The following ZNF420 variants were observed in gnomAD, a reference collection of about 807,000 sequenced individuals.
The protein encoded by ZNF420 is zinc finger protein 420.
In ZNF420, 31 loss-of-function variants were observed where a neutral mutation model predicts 44.7. The observed-to-expected ratio is 0.69, with a 90% confidence interval of 0.52 to 0.94. ZNF420 has a LOEUF of 0.94. ZNF420 is among the 40% of genes least tolerant of loss of function. The pLI, the probability that ZNF420 is intolerant of heterozygous loss-of-function variation, is 0.00. For synonymous variants in ZNF420, 245 were observed against 267.4 expected, an observed-to-expected ratio of 0.92 and a Z score of 0.82; for missense variants, 681 against 827.9, an observed-to-expected ratio of 0.82 and a Z score of 2.18.
At chr19:37,067,623 T>C (rs892507045) in intron 1 of ZNF420, among the ~76,000 whole-genome samples, 3 of 152,166 alleles carry the variant, frequency 2.0e-5, no homozygotes, top group African/African-American at 4.8e-5. Flanking sequence ...TCAGCAAAAA[T>C]ATCTTTCAAG....
chr19:37,059,986 G>A (rs550389445), intron 1 of ZNF420, among the ~76,000 whole-genome samples: 1 of 152,138 alleles, frequency 6.6e-6, no homozygotes, highest in South Asian at 2.1e-4. Flanking sequence ...GGGATTTCTT[G>A]TATGTCCGCC....
intron 4 of ZNF420, among the ~76,000 whole-genome samples, chr19:37,106,099 T>C (rs1970066851): frequency 1.3e-5 from 2 of 152,226 alleles, no homozygotes; most frequent in Admixed American, 6.5e-5. Flanking sequence ...AGGGCATCCC[T>C]GTCTTGTAAT....
intron 1 of ZNF420, among the ~76,000 whole-genome samples, chr19:37,026,562 G>C (rs934406725): frequency 1.7e-4 from 26 of 151,902 alleles, no homozygotes; most frequent in African/African-American, 6.3e-4. Context: ...CAGGTGATCT[G>C]CCCACCTCGG....
chr19:37,069,247 G>A (rs951571981), intron 1 of ZNF420, among the ~76,000 whole-genome samples: 4 of 152,088 alleles, frequency 2.6e-5, no homozygotes, highest in South Asian at 2.1e-4. Context: ...TTTATATACC[G>A]TACTTTCACT....
intron 4 of ZNF420, among the ~76,000 whole-genome samples, chr19:37,099,768 C>T (rs1024548914): frequency 6.6e-6 from 1 of 152,142 alleles, no homozygotes; most frequent in Admixed American, 6.5e-5. Flanking sequence ...GGACTACAGG[C>T]ACATGCCACC....
intron 1 of ZNF420, among the ~76,000 whole-genome samples, chr19:37,052,311 A>G (rs919309595): frequency 1.3e-4 from 20 of 151,750 alleles, no homozygotes; most frequent in Non-Finnish European, 2.5e-4. Context: ...TTGACTCTTT[A>G]TCCAATTTGC....
chr19:37,127,207 G>T lies in ZNF420; in HGVS notation c.216G>T (p.Met72Ile). The stretch of plus-strand genomic sequence containing the variant: ...AAACAGAATTATCCCAATGGGAAAT[G>T]AGTGACAGACTTGAAAACTGTGATC... ...TYETELSQWE[M>I]SDRLENCDLE... is the part of the protein sequence containing the mutation. The change falls in exon 5 of 5, where the codon ATG (methionine) becomes ATT (isoleucine). Residue 72 changes from methionine (M) to isoleucine (I), a missense_variant. This residue lies in a region of ZNF420 where 350 missense variants were observed against 382.5 expected (regional missense o/e 0.92). Coordinates refer to ENST00000337995, the MANE Select transcript of ZNF420 (RefSeq NM_144689.5). 1 of 1,603,568 alleles carries T rather than the reference G, an allele frequency of 6.2e-7. No homozygotes were observed.
At chr19:37,034,701 G>A (rs1400445838) in intron 1 of ZNF420, among the ~76,000 whole-genome samples, 1 of 152,218 alleles carries the variant, frequency 6.6e-6, no homozygotes, top group Admixed American at 6.5e-5. Flanking sequence ...GAGAACTAAA[G>A]TAATTATGAA....
intron 4 of ZNF420, among the ~76,000 whole-genome samples, chr19:37,099,983 G>C (rs1377589398): frequency 6.6e-6 from 1 of 152,076 alleles, no homozygotes; most frequent in Non-Finnish European, 1.5e-5. Context: ...CTTTGATGTA[G>C]TATGTTTATC....
chr19:37,066,106 T>A (rs1411015694), intron 1 of ZNF420, among the ~76,000 whole-genome samples: 1 of 152,228 alleles, frequency 6.6e-6, no homozygotes, highest in African/African-American at 2.4e-5. Flanking sequence ...CAAAAATGTT[T>A]TTCTTACTCA....
At chr19:37,057,051 G>A (rs1369170485) in intron 1 of ZNF420, among the ~76,000 whole-genome samples, 1 of 152,264 alleles carries the variant, frequency 6.6e-6, no homozygotes, top group Non-Finnish European at 1.5e-5. Flanking sequence ...TCCCACGGTT[G>A]CCTGAGTAAC....
At chr19:37,038,679 G>A (rs148732093) in intron 1 of ZNF420, among the ~76,000 whole-genome samples, 2,234 of 152,122 alleles carry the variant, frequency 0.015, 24 homozygotes, top group African/African-American at 0.028. Context: ...TTGGCAGGGC[G>A]CGGTGGCTCA....
At chr19:37,116,645 C>T (rs1429326916) in intron 4 of ZNF420, among the ~76,000 whole-genome samples, 1 of 152,138 alleles carries the variant, frequency 6.6e-6, no homozygotes, top group African/African-American at 2.4e-5. Context: ...CGAGCCGAAG[C>T]AGGGCGAGGC....
Position 37,029,744 on chromosome 19 carries a change from G to A in ZNF420, c.-125+21662G>A, listed in dbSNP as rs368734282. On this transcript the variant is annotated intron_variant, in intron 1 of 4. Coordinates refer to the ZNF420 transcript ENST00000587029. ...CATCATGTTGGCCAGGCCTGATGTC[G>A]TGATCCACCCGCCTTGGCCTCCCAA... 1.4e-3 allele frequency among the ~76,000 whole-genome samples: 208 copies of A among 151,934 alleles called. 1 individual carries two copies. Among genetic ancestry groups the A allele is most frequent in the Middle Eastern group, 0.014 (4 of 294 alleles).
At chr19:37,023,783 G>A (rs2562594) in intron 1 of ZNF420, among the ~76,000 whole-genome samples, 85,315 of 152,000 alleles carry the variant, frequency 0.56, 25,555 homozygotes, top group African/African-American at 0.76. Context: ...AGTTCACACC[G>A]GTACAAACAA....
At chr19:37,098,196 C>A (rs773066992) in intron 4 of ZNF420, among the ~76,000 whole-genome samples, 44 of 152,134 alleles carry the variant, frequency 2.9e-4, no homozygotes, top group Admixed American at 2.6e-4. Flanking sequence ...AGGCAATCTA[C>A]CTGCCTTGGC....
intron 4 of ZNF420, chr19:37,108,456 C>G (rs1488617783): frequency 6.6e-6 from 1 of 152,138 alleles, no homozygotes; most frequent in East Asian, 1.9e-4. Context: ...GTTTGGGAGT[C>G]TGGTTTAATA....
chr19:37,010,450 C>T (rs1019220534), intron 1 of ZNF420, among the ~76,000 whole-genome samples: 1 of 152,028 alleles, frequency 6.6e-6, no homozygotes, highest in Non-Finnish European at 1.5e-5. Context: ...AGCAGAACCC[C>T]GCAGCCTCAG....
chr19:37,029,054 C>A (rs1381263831), intron 1 of ZNF420, among the ~76,000 whole-genome samples: 2 of 152,202 alleles, frequency 1.3e-5, no homozygotes, highest in African/African-American at 4.8e-5. Context: ...ATCGATGCAG[C>A]AACCTTTTAC....
Sources: allele counts gnomAD v4.1 joint callset (sites outside exome capture counted in the v4.1 genomes callset), GRCh38; gene constraint gnomAD v4.1.1; regional missense constraint gnomAD v4.1.1; transcripts MANE v1.5; gene names NCBI Gene and HGNC (gene_info 2026-07-23, HGNC 2026-07-21).